Variants in USP9X observed in about 807,000 individuals in gnomAD.
USP9X encodes ubiquitin carboxyl-terminal hydrolase 9X.
USP9X carries 7 observed loss-of-function variants against 190.3 expected under a neutral mutation model. The ratio of observed to expected loss-of-function variants is 0.04; its 90% CI spans 0.02 to 0.07. The LOEUF (loss-of-function observed/expected upper bound fraction) is 0.07, where lower values mean the gene tolerates loss of function less well. Ranked by LOEUF, USP9X falls within the 10% of genes least tolerant of loss-of-function variation. The probability of loss-of-function intolerance (pLI) is 1.00; values close to 1 mark genes in which losing one functional copy is unlikely to be tolerated. For synonymous variants in USP9X, 645 were observed against 659.5 expected, an observed-to-expected ratio of 0.98 and a Z score of 0.34; for missense variants, 1,010 against 1,916.9, an observed-to-expected ratio of 0.53 and a Z score of 8.83.
chrX:41,159,891 A>AC (rs1351567814), intron 14 of USP9X, among the ~76,000 whole-genome samples: 1 of 111,239 alleles, frequency 9.0e-6, no homozygotes, highest in African/African-American at 3.3e-5. Flanking sequence ...GGTGGTTTGT[A>AC]CAGGGTTTCT....
intron 2 of USP9X, among the ~76,000 whole-genome samples, chrX:41,128,458 G>T (rs1220805837): frequency 9.0e-6 from 1 of 111,522 alleles, no homozygotes; most frequent in Non-Finnish European, 1.9e-5. Flanking sequence ...GGTTGTTGAG[G>T]ATTAGATGAA....
intron 2 of USP9X, among the ~76,000 whole-genome samples, chrX:41,124,386 G>A (rs971883499): frequency 9.0e-6 from 1 of 111,154 alleles, no homozygotes; most frequent in East Asian, 2.8e-4. Flanking sequence ...AGAGGTTGCA[G>A]TGAGCCGAGA....
rs1014337739 is a variant in USP9X at position 41,236,072 on chromosome X, A to G, written c.*3548A>G. 9.0e-6 allele frequency: 1 copy of G among 110,809 alleles called. No homozygotes were observed. The allele number at this position is 110,809 out of a possible 1,213,427, so 9.1% of individuals were successfully genotyped here. A position where few individuals can be genotyped will look rare whatever the true frequency, so the allele number is the denominator to read the frequency against. Reference sequence around the variant, plus strand: ...AGCTGGATAAGAAAATTGCCTTTTCATTGTAAGTGCCCAGTTTTGGTCTCT... The same window carrying G: ...AGCTGGATAAGAAAATTGCCTTTTCGTTGTAAGTGCCCAGTTTTGGTCTCT... On this transcript the variant is annotated 3_prime_UTR_variant, in exon 45 of 45. Transcript: ENST00000378308.
Position 41,223,223 on chromosome X carries a change from C to T in USP9X, c.6572C>T (p.Ala2191Val). ...TCACTCCTTTTTGTTGTAGGTGTGG[C>T]AGAGAAGACACAGCTTCTGAAATTG... is the stretch of plus-strand genomic sequence containing the variant. Reference protein sequence around the residue: ...LFVMYANLGVAEKTQLLKLSV... With the variant: ...LFVMYANLGVVEKTQLLKLSV... The change falls in exon 39 of 45, where the codon GCA (alanine) becomes GTA (valine). Residue 2191 changes from alanine to valine, a missense_variant. Coordinates refer to ENST00000378308, the MANE Select transcript of USP9X (RefSeq NM_001039591.3). The T allele has an allele frequency of 8.3e-7, 1 of 1,210,184 alleles. No individual in the cohort carries two copies. Among genetic ancestry groups the T allele is most frequent in the Admixed American group, 2.2e-5 (1 of 45,796 alleles).
At position 41,214,572 on chromosome X, in the gene USP9X, G is replaced by A. The variant is rs1338251102; in HGVS notation, c.5194G>A (p.Glu1732Lys). The change falls in exon 34 of 45, where the codon GAA (glutamate) becomes AAA (lysine). Residue 1732 changes from glutamate to lysine, a missense_variant. Glu to Lys is a moderately conservative substitution (Grantham distance 56). Around this residue, in one of 11 missense-constraint regions of USP9X, gnomAD observed 120 missense variants for 342.7 expected, o/e 0.35. Transcript: ENST00000378308. ...CTTTTTTTAAATCGTTTTTAGGTAC[G>A]AATGTGAAGAATCTTTTACGACCCT... ...KICQGCPHRY[E>K]CEESFTTLNV... The A allele has an allele frequency of 1.7e-6, 2 of 1,163,993 alleles. No individual in the cohort carries two copies. The highest frequency in any genetic ancestry group is 4.1e-5 in the South Asian group (2 of 48,973).
intron 16 of USP9X, 52 bp from the exon 17 acceptor site, chrX:41,167,430 C>G: frequency 1.9e-6 from 2 of 1,036,114 alleles, no homozygotes; most frequent in Non-Finnish European, 2.7e-6. Context: ...TTTAAATGCC[C>G]AACAAAAATA....
intron 1 of USP9X, among the ~76,000 whole-genome samples, chrX:41,109,609 G>A (rs1256467261): frequency 8.9e-6 from 1 of 112,287 alleles, no homozygotes; most frequent in Admixed American, 9.4e-5. Flanking sequence ...AATCTGTAAG[G>A]GGTGTGTATG....
intron 34 of USP9X, 97 bp downstream of exon 34, chrX:41,214,806 A>G: frequency 1.1e-6 from 1 of 898,636 alleles, no homozygotes; most frequent in Non-Finnish European, 1.5e-6. Flanking sequence ...CCCTATTTTT[A>G]TTTTCTCCTA....
In USP9X at chrX:41,220,173, T is replaced by C. The variant is rs1266510173; in HGVS notation, c.6565+942T>C. On this transcript the variant is annotated intron_variant, in intron 38 of 44. Transcript: ENST00000378308. ...GTCTTCTTTTCCCTTGTCTTTTCCG[T>C]AATTGCAGATATTTGGGTATTTGTA... Among the ~76,000 whole-genome samples the C allele has an allele frequency of 2.7e-5, 3 of 112,086 alleles. No homozygotes were observed. The East Asian group carries it at 8.3e-4, about 31-fold the overall frequency.
chrX:41,101,344 C>T (rs2062032255), intron 1 of USP9X, among the ~76,000 whole-genome samples: 1 of 109,021 alleles, frequency 9.2e-6, no homozygotes, highest in Non-Finnish European at 1.9e-5. Context: ...CTTTGGGAGG[C>T]TTAGGCGGGT....
In USP9X at chrX:41,233,536, A is replaced by T; in HGVS notation, c.*1012A>T. 1.8e-5 allele frequency: 2 copies of T among 112,162 alleles called. No individual in the cohort carries two copies. Among genetic ancestry groups the T allele is most frequent in the Non-Finnish European group, 3.8e-5 (2 of 53,195 alleles). The allele number at this position is 112,162 out of a possible 1,213,427, so 9.2% of individuals were successfully genotyped here. A position where few individuals can be genotyped will look rare whatever the true frequency, so the allele number is the denominator to read the frequency against. ...TTCTTTGGTAGAGTTTATTAGGTGA[A>T]TCTTCTAAAACTTTCCTTCTGTTGG... On this transcript the variant is annotated 3_prime_UTR_variant, in exon 45 of 45. Coordinates refer to ENST00000378308, the MANE Select transcript of USP9X (RefSeq NM_001039591.3).
chrX:41,168,827 G>T (rs1311428246), intron 18 of USP9X, among the ~76,000 whole-genome samples: 3 of 112,318 alleles, frequency 2.7e-5, no homozygotes, highest in African/African-American at 9.7e-5. Flanking sequence ...GCCTTGCATG[G>T]CATATAACAA....
At chrX:41,174,983 A>AG (rs1423977305) in intron 21 of USP9X, among the ~76,000 whole-genome samples, 2 of 111,285 alleles carry the variant, frequency 1.8e-5, no homozygotes, top group African/African-American at 3.3e-5. Flanking sequence ...TTCTGTCTGA[A>AG]GAAAAAAAAA....
At position 41,218,355 on chromosome X, in the gene USP9X, TTTTTG is replaced by T; in HGVS notation, c.6210-12_6210-8del. On this transcript the variant is annotated splice_polypyrimidine_tract_variant and intron_variant, in intron 36 of 44. Coordinates refer to ENST00000378308, the MANE Select transcript of USP9X (RefSeq NM_001039591.3). Reference sequence around the variant, plus strand: ...GTTATTGACTTAATAGTCATAGGTTTTTTTGTTTTATTTTAGGTATGATGCATTGT... The same window carrying T: ...GTTATTGACTTAATAGTCATAGGTTTTTTTATTTTAGGTATGATGCATTGT... The T allele has an allele frequency of 8.3e-7, 1 of 1,204,759 alleles. No homozygotes were observed. The highest frequency in any genetic ancestry group is 1.1e-6 in the Non-Finnish European group (1 of 890,502).
Position 41,136,989 on chromosome X carries a change from C to G in USP9X, c.621C>G (p.Leu207=), listed in dbSNP as rs1569163827. Residue 207 remains leucine (L), a synonymous_variant, in exon 6 of 45, where the codon CTC becomes CTG. Coordinates refer to ENST00000378308, the MANE Select transcript of USP9X (RefSeq NM_001039591.3). Reference sequence around the variant, plus strand: ...GTGTTCAGTTGCCTGAAGATGAACTCTTTGCTCGTTCTCCAGATCCTCGAT... The same window carrying G: ...GTGTTCAGTTGCCTGAAGATGAACTGTTTGCTCGTTCTCCAGATCCTCGAT... ...SSSVQLPEDE[L]FARSPDPRSP... is the part of the protein sequence containing the mutation. The G allele has an allele frequency of 8.3e-7, 1 of 1,211,546 alleles. No individual in the cohort carries two copies. Among genetic ancestry groups the G allele is most frequent in the Non-Finnish European group, 1.1e-6 (1 of 895,317 alleles).
chrX:41,150,157 A>C (rs1315523203), intron 12 of USP9X, among the ~76,000 whole-genome samples: 1 of 110,677 alleles, frequency 9.0e-6, no homozygotes, highest in Non-Finnish European at 1.9e-5. Context: ...TCAGGAAAAA[A>C]AAAAAACAAA....
At chrX:41,105,609 G>A (rs1028289612) in intron 1 of USP9X, among the ~76,000 whole-genome samples, 1 of 112,102 alleles carries the variant, frequency 8.9e-6, no homozygotes, top group African/African-American at 3.2e-5. Context: ...ATGAACATGG[G>A]TGTACAAGTA....
chrX:41,095,457 G>C (rs1481671986), intron 1 of USP9X, among the ~76,000 whole-genome samples: 2 of 112,513 alleles, frequency 1.8e-5, no homozygotes, highest in African/African-American at 6.5e-5. Context: ...CAAGATGCCA[G>C]TGGTATAGCC....
intron 14 of USP9X, among the ~76,000 whole-genome samples, chrX:41,160,992 G>A (rs1483713935): frequency 9.0e-6 from 1 of 111,250 alleles, no homozygotes; most frequent in African/African-American, 3.3e-5. Flanking sequence ...CTGGGGTTGA[G>A]GGGTGGGTAG....
Sources: allele counts gnomAD v4.1 joint callset (sites outside exome capture counted in the v4.1 genomes callset), GRCh38; gene constraint gnomAD v4.1.1; regional missense constraint gnomAD v4.1.1; transcripts MANE v1.5; gene names NCBI Gene and HGNC (gene_info 2026-07-23, HGNC 2026-07-21).